CCDC30: variants seen among roughly 807,000 people sequenced by gnomAD.
CCDC30 encodes the protein coiled-coil domain containing 30.
Under a neutral mutation model 100.2 loss-of-function variants are expected in CCDC30, and 70 were observed. That is an observed-to-expected ratio of 0.70 (90% CI 0.58 to 0.85). The LOEUF (loss-of-function observed/expected upper bound fraction) is 0.85, where lower values mean the gene tolerates loss of function less well. Ranked by LOEUF, CCDC30 falls within the 40% of genes least tolerant of loss-of-function variation. The pLI is 0.00. For synonymous variants in CCDC30, 233 were observed against 269.5 expected (o/e 0.86, Z 1.33); for missense variants, 652 against 771.2 (o/e 0.85, Z 1.83).
upstream of CCDC30, among the ~76,000 whole-genome samples, chr1:42,460,994 G>A (rs1000014577): frequency 1.1e-4 from 16 of 152,154 alleles, no homozygotes; most frequent in Non-Finnish European, 1.6e-4. Context: ...GCTGTCCTAC[G>A]TTTTGGGTTT....
Position 42,642,134 on chromosome 1 carries a change from G to A in CCDC30, c.1420-339G>A, listed in dbSNP as rs375438815. Among the ~76,000 whole-genome samples the A allele has an allele frequency of 1.7e-4, 26 of 152,052 alleles. No individual in the cohort carries two copies. The East Asian group carries it at 5.1e-3, about 30-fold the overall frequency. ...CCAGCTACTTGGGAGGCTGAGGCAGGAGAATGGCATGAACCTGGGAGGTGG... is the reference window on the plus strand; with the variant it reads ...CCAGCTACTTGGGAGGCTGAGGCAGAAGAATGGCATGAACCTGGGAGGTGG... On this transcript the variant is annotated intron_variant, in intron 12 of 16. Coordinates refer to ENST00000668663, the Ensembl canonical transcript of CCDC30.
chr1:42,543,010 T>A (rs138164761), intron 6 of CCDC30, among the ~76,000 whole-genome samples: 98 of 152,350 alleles, frequency 6.4e-4, no homozygotes, highest in African/African-American at 2.2e-3. Flanking sequence ...TTTTCCTGCT[T>A]ACAAAAATAA....
intron 6 of CCDC30, chr1:42,537,309 A>G: frequency 4.4e-6 from 2 of 455,034 alleles, no homozygotes; most frequent in Non-Finnish European, 8.8e-6. Flanking sequence ...ATGGAAGTCT[A>G]AATCAGTAAT....
At chr1:42,491,732 C>A (rs1416797705) in intron 4 of CCDC30, 6 of 246,770 alleles carry the variant, frequency 2.4e-5, no homozygotes, top group Admixed American at 5.0e-5. Flanking sequence ...GCTCTGTGAG[C>A]AGCACCATGG....
At chr1:42,558,152 G>C in intron 6 of CCDC30, 1 of 302,492 alleles carries the variant, frequency 3.3e-6, no homozygotes, top group South Asian at 2.7e-5. Context: ...GACTGAACTG[G>C]AAAATGTAGA....
intron 6 of CCDC30, among the ~76,000 whole-genome samples, chr1:42,513,469 T>G (rs1164773292): frequency 2.0e-5 from 3 of 152,154 alleles, no homozygotes; most frequent in Non-Finnish European, 4.4e-5. Flanking sequence ...ACTGTATATG[T>G]GGCTGGCAAA....
chr1:42,536,714 C>G, intron 6 of CCDC30, 113 bp downstream of exon 7: 1 of 731,544 alleles, frequency 1.4e-6, no homozygotes, highest in East Asian at 2.6e-5. Flanking sequence ...CTGCCATAAC[C>G]AAACACCACA....
At chr1:42,570,088 C>T (rs900953154) in intron 7 of CCDC30, among the ~76,000 whole-genome samples, 2 of 152,030 alleles carry the variant, frequency 1.3e-5, no homozygotes, top group Non-Finnish European at 2.9e-5. Flanking sequence ...AACAAACCTG[C>T]GTGTTCTGCA....
At chr1:42,500,369 G>A (rs1025684834) in intron 6 of CCDC30, 10 of 1,442,968 alleles carry the variant, frequency 6.9e-6, no homozygotes, top group Middle Eastern at 2.4e-4. Flanking sequence ...AGTGAGGTGC[G>A]TGAGAACGAG....
At chr1:42,464,359 TATCA>T (rs1380904221) in intron 1 of CCDC30, 6 of 152,254 alleles carry the variant, frequency 3.9e-5, no homozygotes, top group Admixed American at 2.0e-4. Context: ...TTGATGTGTT[TATCA>T]ATGTGAAAAG....
intron 10 of CCDC30, among the ~76,000 whole-genome samples, chr1:42,603,087 C>G (rs1340816039): frequency 6.6e-6 from 1 of 152,154 alleles, no homozygotes; most frequent in Non-Finnish European, 1.5e-5. Context: ...ATACCTTAGG[C>G]TGGGTAATTT....
intron 6 of CCDC30, chr1:42,556,260 G>A (rs1042184113): frequency 8.7e-6 from 14 of 1,613,848 alleles, no homozygotes; most frequent in South Asian, 2.2e-5. Flanking sequence ...CAACAGAATC[G>A]AGATATGAAA....
At chr1:42,534,941 G>C (rs1271832727) in intron 6 of CCDC30, 1 of 152,050 alleles carries the variant, frequency 6.6e-6, no homozygotes, top group Non-Finnish European at 1.5e-5. Context: ...GAAGATAGAA[G>C]AGAAACCAGT....
intron 8 of CCDC30, chr1:42,580,722 T>G (rs565309770): frequency 2.3e-5 from 8 of 351,704 alleles, no homozygotes; most frequent in African/African-American, 1.7e-4. Flanking sequence ...TCTTTCAAAT[T>G]TGTAAATCAT....
At chr1:42,635,304 C>G (rs1647129831) in intron 11 of CCDC30, among the ~76,000 whole-genome samples, 2 of 151,920 alleles carry the variant, frequency 1.3e-5, no homozygotes, top group Non-Finnish European at 2.9e-5. Flanking sequence ...CCTTGGCCTC[C>G]CAAAGTGCTG....
chr1:42,583,398 G>A (rs1646006474), intron 9 of CCDC30, among the ~76,000 whole-genome samples: 1 of 152,042 alleles, frequency 6.6e-6, no homozygotes, highest in African/African-American at 2.4e-5. Flanking sequence ...AAATATATAG[G>A]GAAATTCTTC....
At chr1:42,460,446 T>G, upstream of CCDC30, 1 of 924,454 alleles carries the variant, frequency 1.1e-6, no homozygotes, top group Non-Finnish European at 1.3e-6. Context: ...TTATCAAATA[T>G]AGTAGTAGGA....
chr1:42,592,831 A>G (rs1357579664), intron 10 of CCDC30: 2 of 152,216 alleles, frequency 1.3e-5, no homozygotes, highest in Non-Finnish European at 2.9e-5. Flanking sequence ...ACCTACCATC[A>G]TGATTGTGAG....
chr1:42,587,617 A>G (rs567937716), intron 9 of CCDC30, among the ~76,000 whole-genome samples: 14 of 152,338 alleles, frequency 9.2e-5, no homozygotes, highest in African/African-American at 2.9e-4. Flanking sequence ...ATGTGAGCCC[A>G]TGTCTCAAAT....
Sources: gnomAD v4.1 joint callset for allele counts (sites outside exome capture counted in the v4.1 genomes callset) on GRCh38, gnomAD v4.1.1 for gene constraint, MANE v1.5 for transcripts, NCBI Gene and HGNC (gene_info 2026-07-23, HGNC 2026-07-21) for gene names.